Variants in FARS2 observed in about 807,000 individuals in gnomAD.
FARS2 encodes phenylalanyl-tRNA synthetase 2, mitochondrial.
In FARS2, 40 loss-of-function variants were observed where a neutral mutation model predicts 46.4. The observed-to-expected ratio is 0.86, with a 90% CI of 0.67 to 1.12. The LOEUF is 1.12. FARS2 is among the 50% of genes most tolerant of loss of function. The pLI, the probability that FARS2 is intolerant of heterozygous loss-of-function variation, is 0.00. For missense variants in FARS2, 513 were observed against 567.9 expected, an observed-to-expected ratio of 0.90 and a Z score of 0.98; for synonymous variants, 234 against 214.9, an observed-to-expected ratio of 1.09 and a Z score of -0.78.
intron 6 of FARS2, among the ~76,000 whole-genome samples, chr6:5,693,005 C>T (rs969048790): frequency 2.0e-5 from 3 of 152,166 alleles, no homozygotes; most frequent in Non-Finnish European, 4.4e-5. Flanking sequence ...TTCCCTTCCC[C>T]ATCCCGTTGT....
intron 2 of FARS2, among the ~76,000 whole-genome samples, chr6:5,403,158 A>T (rs1761360170): frequency 6.6e-6 from 1 of 152,190 alleles, no homozygotes; most frequent in South Asian, 2.1e-4. Flanking sequence ...GAGGCCTAGG[A>T]TATTAGAATA....
intron 4 of FARS2, among the ~76,000 whole-genome samples, chr6:5,539,868 C>T (rs976959823): frequency 3.4e-4 from 52 of 152,140 alleles, no homozygotes; most frequent in African/African-American, 1.1e-3. Flanking sequence ...CTCCCCTCGC[C>T]GTGTTCTGCA....
intron 6 of FARS2, among the ~76,000 whole-genome samples, chr6:5,717,335 A>T (rs1203245451): frequency 6.7e-6 from 1 of 149,062 alleles, no homozygotes; most frequent in African/African-American, 2.5e-5. Flanking sequence ...CCGTGGATAG[A>T]AACATAGATA....
intron 4 of FARS2, among the ~76,000 whole-genome samples, chr6:5,449,352 C>CA (rs5873985): frequency 0.029 from 3,525 of 120,858 alleles, 131 homozygotes; most frequent in South Asian, 0.075. Context: ...GACTCCATCT[C>CA]AAAAAAAAAA....
intron 1 of FARS2, among the ~76,000 whole-genome samples, chr6:5,328,852 T>G (rs1013082459): frequency 6.6e-6 from 1 of 152,198 alleles, no homozygotes; most frequent in African/African-American, 2.4e-5. Flanking sequence ...TTTAACCTGT[T>G]AATAATGGAG....
intron 4 of FARS2, among the ~76,000 whole-genome samples, chr6:5,445,727 T>A (rs1360340113): frequency 6.6e-6 from 1 of 152,142 alleles, no homozygotes; most frequent in African/African-American, 2.4e-5. Context: ...GTGTGCCGTA[T>A]TTTCCAGACT....
chr6:5,453,251 G>T (rs1336933861), intron 4 of FARS2, among the ~76,000 whole-genome samples: 1 of 152,168 alleles, frequency 6.6e-6, no homozygotes, highest in Non-Finnish European at 1.5e-5. Flanking sequence ...AAAAGGTAAA[G>T]GGAAAATAAG....
intron 6 of FARS2, among the ~76,000 whole-genome samples, chr6:5,738,513 G>C (rs967976842): frequency 6.9e-6 from 1 of 145,650 alleles, no homozygotes; most frequent in African/African-American, 2.9e-5. Context: ...TTTCTTAGAA[G>C]TAAAACAGCA....
At chr6:5,338,367 G>A (rs910330298) in intron 1 of FARS2, among the ~76,000 whole-genome samples, 1 of 152,048 alleles carries the variant, frequency 6.6e-6, no homozygotes, top group African/African-American at 2.4e-5. Context: ...TTGCTCTCTG[G>A]GTGTGTTTTC....
At chr6:5,749,565 G>C (rs778047915) in intron 6 of FARS2, among the ~76,000 whole-genome samples, 9 of 152,200 alleles carry the variant, frequency 5.9e-5, no homozygotes, top group Non-Finnish European at 1.3e-4. Context: ...GACCAACCGT[G>C]CTGTGCTCAG....
rs572650976 is a variant in FARS2 at position 5,534,995 on chromosome 6, G to T, written c.905-10185G>T. ...TTTACATTCTCAACAGCAATGCACA[G>T]GGTTTCAGTTTCTCCACATCCTTCT... is the stretch of plus-strand genomic sequence containing the variant. On this transcript the variant is annotated intron_variant, in intron 4 of 6. Transcript: ENST00000274680. Among the ~76,000 whole-genome samples, 10 of 152,226 alleles carry T rather than the reference G, an allele frequency of 6.6e-5. No homozygotes were observed. The South Asian group carries it at 1.5e-3, about 22-fold the overall frequency.
intron 5 of FARS2, chr6:5,610,311 T>TA (rs1554115958): frequency 0.049 from 14,582 of 297,146 alleles, 498 homozygotes; most frequent in African/African-American, 0.15. Flanking sequence ...CAATTCTTTT[T>TA]AAAAAAAAAA....
At chr6:5,422,252 C>G (rs1005763381) in intron 3 of FARS2, among the ~76,000 whole-genome samples, 2 of 152,186 alleles carry the variant, frequency 1.3e-5, no homozygotes, top group African/African-American at 2.4e-5. Flanking sequence ...TCAGTTACCT[C>G]CCACTGGGCC....
chr6:5,548,887 T>C (rs1023597739), intron 5 of FARS2, among the ~76,000 whole-genome samples: 4 of 152,224 alleles, frequency 2.6e-5, no homozygotes, highest in East Asian at 1.9e-4. Flanking sequence ...GCAATTAGGA[T>C]TTGTACATTC....
chr6:5,758,765 T>C (rs140761775), intron 6 of FARS2, among the ~76,000 whole-genome samples: 9 of 152,278 alleles, frequency 5.9e-5, no homozygotes, highest in Admixed American at 5.2e-4. Flanking sequence ...CTCTCTCCTA[T>C]TGTTAAAAAA....
At chr6:5,573,714 A>G (rs1384297290) in intron 5 of FARS2, among the ~76,000 whole-genome samples, 2 of 152,024 alleles carry the variant, frequency 1.3e-5, no homozygotes, top group Non-Finnish European at 2.9e-5. Flanking sequence ...TGCCTTCTTT[A>G]TGTTGGGCTT....
intron 2 of FARS2, among the ~76,000 whole-genome samples, chr6:5,374,938 T>C (rs7749174): frequency 0.058 from 8,848 of 152,160 alleles, 307 homozygotes; most frequent in Middle Eastern, 0.15. Context: ...GGAAACTTCC[T>C]TGACTTTACA....
chr6:5,272,201 A>C lies in FARS2; in HGVS notation c.-22+10541A>C, dbSNP rs1263560049. Among the ~76,000 whole-genome samples, 3 of 152,338 alleles carry C rather than the reference A, an allele frequency of 2.0e-5. No homozygotes were observed. In the East Asian group the frequency reaches 5.8e-4, roughly 29 times the overall value. On this transcript the variant is annotated intron_variant, in intron 1 of 6. Transcript: ENST00000274680. Reference sequence around the variant, plus strand: ...CAAGATCACGATTTTCGTTATGGATAGATGACAAGAAGAAACAGGGTGAGT... The same window carrying C: ...CAAGATCACGATTTTCGTTATGGATCGATGACAAGAAGAAACAGGGTGAGT...
At chr6:5,694,338 A>G (rs1757960876) in intron 6 of FARS2, among the ~76,000 whole-genome samples, 1 of 152,348 alleles carries the variant, frequency 6.6e-6, no homozygotes, top group East Asian at 1.9e-4. Context: ...CAAAAAAGCT[A>G]CTGCCACTCT....
Sources: gnomAD v4.1 joint callset for allele counts (sites outside exome capture counted in the v4.1 genomes callset) on GRCh38, gnomAD v4.1.1 for gene constraint, MANE v1.5 for transcripts, NCBI Gene and HGNC (gene_info 2026-07-23, HGNC 2026-07-21) for gene names.